Variants in AADAC observed in about 807,000 individuals in gnomAD.
AADAC encodes the protein arylacetamide deacetylase, also known as arylacetamide deacetylase (esterase).
In AADAC, 17 loss-of-function variants were observed where a neutral mutation model predicts 22.7. The ratio of observed to expected loss-of-function variants is 0.75; its 90% CI spans 0.51 to 1.12. The LOEUF is 1.12. Among genes scored for constraint, AADAC ranks in the 50% most tolerant of loss-of-function variants. The pLI, the probability that AADAC is intolerant of heterozygous loss-of-function variation, is 0.00. For missense variants in AADAC, 465 were observed against 473.9 expected, an observed-to-expected ratio of 0.98 and a Z score of 0.17; for synonymous variants, 167 against 176.3, an observed-to-expected ratio of 0.95 and a Z score of 0.42.
At chr3:151,822,339 T>C (rs116282677) in intron 3 of AADAC, among the ~76,000 whole-genome samples, 1,813 of 152,024 alleles carry the variant, frequency 0.012, 50 homozygotes, top group African/African-American at 0.042. Flanking sequence ...CATGCCCATA[T>C]AAAAACTTGT....
intron 1 of AADAC, among the ~76,000 whole-genome samples, chr3:151,815,656 C>T (rs1053460768): frequency 2.0e-5 from 3 of 151,440 alleles, no homozygotes; most frequent in Non-Finnish European, 2.9e-5. Context: ...CTCTGGTAGC[C>T]TTTTAATTAA....
At chr3:151,818,268 G>A (rs1421170977) in intron 2 of AADAC, among the ~76,000 whole-genome samples, 2 of 151,082 alleles carry the variant, frequency 1.3e-5, no homozygotes, top group African/African-American at 2.4e-5. Context: ...AAAAAATCCT[G>A]TCTTCCTGTA....
chr3:151,827,256 ATTC>A, intron 4 of AADAC, among the ~76,000 whole-genome samples: 1 of 151,986 alleles, frequency 6.6e-6, no homozygotes, highest in Non-Finnish European at 1.5e-5. Context: ...TATTTATGCA[ATTC>A]TTCTGGTTAT....
At chr3:151,817,019 T>C (rs906559910) in intron 1 of AADAC, among the ~76,000 whole-genome samples, 5 of 152,192 alleles carry the variant, frequency 3.3e-5, no homozygotes, top group African/African-American at 1.2e-4. Context: ...AAGCCATCAA[T>C]GCAGATTTTC....
intron 2 of AADAC, among the ~76,000 whole-genome samples, chr3:151,818,467 C>T (rs59300704): frequency 0.6 from 91,034 of 151,720 alleles, 27,796 homozygotes; most frequent in Non-Finnish European, 0.64. Context: ...CCTCCTGAAC[C>T]AGAATAGGTT....
chr3:151,824,655 C>G lies in AADAC; in HGVS notation c.432-8C>G. The stretch of plus-strand genomic sequence containing the variant: ...AAAAAATGTGTAAACTATGTTTTCT[C>G]TCTACAGCTACAGATTAGCACCTAA... On this transcript the variant is annotated splice_region_variant and splice_polypyrimidine_tract_variant and intron_variant, in intron 3 of 4. Transcript: ENST00000232892. The G allele has an allele frequency of 3.9e-6, 6 of 1,522,692 alleles. No individual in the cohort carries two copies. Among genetic ancestry groups the G allele is most frequent in the Non-Finnish European group, 5.3e-6 (6 of 1,136,674 alleles). The allele number at this position is 1,522,692 out of a possible 1,614,324, so 94.3% of individuals were successfully genotyped here. A position where few individuals can be genotyped will look rare whatever the true frequency, so the allele number is the denominator to read the frequency against.
chr3:151,818,983 CTAAGT>C (rs1313587833), intron 2 of AADAC, among the ~76,000 whole-genome samples: 4 of 151,866 alleles, frequency 2.6e-5, no homozygotes, highest in African/African-American at 9.7e-5. Context: ...ACTGGACCTA[CTAAGT>C]TAAGAACTCT....
intron 2 of AADAC, 84 bp downstream of exon 2, chr3:151,817,672 C>T (rs1716051548): frequency 1.6e-5 from 19 of 1,202,378 alleles, no homozygotes; most frequent in Admixed American, 7.2e-5. Flanking sequence ...ACATGCCCTT[C>T]GGCATGGACA....
Position 151,828,289 on chromosome 3 carries a change from T to G in AADAC, c.*117T>G, listed in dbSNP as rs1716594646. On this transcript the variant is annotated 3_prime_UTR_variant, in exon 5 of 5. Transcript: ENST00000232892. ...TTAAGTTCCACATGTAGCATAATTC[T>G]TAAATAGGCACTTTTCTGTTTTTTT... 1 of 516,550 alleles carries G rather than the reference T, an allele frequency of 1.9e-6. No individual in the cohort carries two copies. The highest frequency in any genetic ancestry group is 6.6e-5 in the South Asian group (1 of 15,094). The allele number at this position is 516,550 out of a possible 1,614,324, so 32.0% of individuals were successfully genotyped here.
intron 2 of AADAC, among the ~76,000 whole-genome samples, chr3:151,818,936 G>A (rs1405550000): frequency 6.6e-6 from 1 of 151,934 alleles, no homozygotes; most frequent in Non-Finnish European, 1.5e-5. Flanking sequence ...TACCTCCAAT[G>A]AATACAGTAT....
Position 151,827,812 on chromosome 3 carries a change from TG to T in AADAC, c.841del (p.Val281LeufsTer12). On this transcript the variant is annotated frameshift_variant, in exon 5 of 5. Transcript: ENST00000232892. LOFTEE classifies it low-confidence loss of function (END_TRUNC). ...TGGAATCAAGTCATCTCTTCAAATT[TG>T]TTAATTGGAGTTCCCTGCTCCCTGA... ...PVESSHLFKF[V>X]NWSSLLPERF... The T allele has an allele frequency of 6.2e-7, 1 of 1,613,352 alleles. No homozygotes were observed.
At position 151,814,263 on chromosome 3, in the gene AADAC, T is replaced by C; in HGVS notation, c.101T>C (p.Met34Thr). 2 of 1,613,432 alleles carry C rather than the reference T, an allele frequency of 1.2e-6. No homozygotes were observed. Among genetic ancestry groups the C allele is most frequent in the Non-Finnish European group, 1.7e-6 (2 of 1,179,574 alleles). ...PDNVEEPWRM[M>T]WINAHLKTIQ... is the part of the protein sequence containing the mutation. ...AACGTTGAGGAGCCATGGAGAATGA[T>C]GTGGATAAACGCACATCTGAAAACT... Residue 34 changes from methionine (M) to threonine (T), a missense_variant, in exon 1 of 5, where the codon ATG becomes ACG. Transcript: ENST00000232892.
At chr3:151,814,405 T>G in intron 1 of AADAC, 105 bp downstream of exon 1, 2 of 1,218,138 alleles carry the variant, frequency 1.6e-6, no homozygotes, top group Non-Finnish European at 2.2e-6. Context: ...CTTATTCATC[T>G]TTTAAAATAA....
intron 1 of AADAC, 28 bp downstream of exon 1, chr3:151,814,328 T>C (rs539074541): frequency 6.3e-7 from 1 of 1,598,908 alleles, no homozygotes; most frequent in Admixed American, 1.7e-5. Flanking sequence ...TGAATTCAGA[T>C]GTGCATACAC....
chr3:151,828,095 G>A lies in AADAC; in HGVS notation c.1123G>A (p.Ala375Thr), dbSNP rs1198366700. Residue 375 changes from alanine to threonine, a missense_variant, in exon 5 of 5, where the codon GCA (alanine) becomes ACA (threonine). Coordinates refer to ENST00000232892, the MANE Select transcript of AADAC (RefSeq NM_001086.3). ...CCATGTTGAGGATGGATTCCATGGA[G>A]CATTTTCATTTCTGGGACTTAAAAT... is the stretch of plus-strand genomic sequence containing the variant. Reference protein sequence around the residue: ...HNHVEDGFHGAFSFLGLKISH... With the variant: ...HNHVEDGFHGTFSFLGLKISH... 6.2e-7 allele frequency: 1 copy of A among 1,610,528 alleles called. No individual in the cohort carries two copies. Among genetic ancestry groups the A allele is most frequent in the East Asian group, 2.2e-5 (1 of 44,834 alleles).
At chr3:151,823,308 T>C (rs1315966465) in intron 3 of AADAC, among the ~76,000 whole-genome samples, 1 of 151,828 alleles carries the variant, frequency 6.6e-6, no homozygotes, top group East Asian at 1.9e-4. Context: ...AGAAATTATG[T>C]TCATCAAAAG....
intron 4 of AADAC, among the ~76,000 whole-genome samples, chr3:151,825,690 TATAATA>T (rs901780147): frequency 1.5e-4 from 23 of 151,614 alleles, no homozygotes; most frequent in African/African-American, 4.8e-4. Context: ...ATAATGGCAA[TATAATA>T]ATAATAATAA....
At position 151,827,931 on chromosome 3, in the gene AADAC, C is replaced by T. The variant is rs746202783; in HGVS notation, c.959C>T (p.Ala320Val). ...KYPGFLDVRA[A>V]PLLADDNKLR... ...CCAGGGTTCCTAGATGTGAGGGCAG[C>T]CCCTTTGTTGGCTGATGACAACAAA... The change falls in exon 5 of 5, where the codon GCC becomes GTC. Residue 320 changes from alanine (A) to valine (V), a missense_variant. By Grantham distance (64) the Ala-to-Val change is moderately conservative (BLOSUM62 0). Transcript: ENST00000232892. 3.7e-6 allele frequency: 6 copies of T among 1,611,114 alleles called. No homozygotes were observed. In the South Asian group the frequency reaches 6.6e-5, roughly 18 times the overall value.
chr3:151,820,516 C>CTTTTTTTTTTTT (rs34039248), intron 3 of AADAC, 64 bp downstream of exon 3: 4 of 413,030 alleles, frequency 9.7e-6, no homozygotes, highest in African/African-American at 3.4e-5. Context: ...TCTCAGCTTT[C>CTTTTTTTTTTTT]TTTTTTTTTT....
Sources: gnomAD v4.1 joint callset for allele counts (sites outside exome capture counted in the v4.1 genomes callset) on GRCh38, gnomAD v4.1.1 for gene constraint, MANE v1.5 for transcripts, NCBI Gene and HGNC (gene_info 2026-07-23, HGNC 2026-07-21) for gene names.